The following KCNMA1 variants were observed in gnomAD, a reference collection of about 807,000 sequenced individuals.
KCNMA1 encodes Calcium-activated potassium channel subunit alpha-1.
A neutral mutation model predicts 140.0 loss-of-function variants in KCNMA1; 29 were observed. The observed-to-expected ratio is 0.21, with a 90% CI of 0.15 to 0.28. KCNMA1 has a LOEUF of 0.28. Among genes scored for constraint, KCNMA1 ranks in the 10% least tolerant of loss-of-function variants. The pLI, the probability that KCNMA1 is intolerant of heterozygous loss-of-function variation, is 1.00. For missense variants in KCNMA1, 880 were observed against 1,602.2 expected (o/e 0.55, Z 7.70); for synonymous variants, 612 against 611.9 (o/e 1.00, Z 0.00).
intron 15 of KCNMA1, among the ~76,000 whole-genome samples, chr10:77,032,598 C>A (rs2153548648): frequency 6.6e-6 from 1 of 152,076 alleles, no homozygotes; most frequent in South Asian, 2.1e-4. Context: ...AAAAAAAATG[C>A]CACTTGTCAC....
At chr10:77,274,662 A>G (rs573712553) in intron 2 of KCNMA1, among the ~76,000 whole-genome samples, 1 of 152,224 alleles carries the variant, frequency 6.6e-6, no homozygotes, top group South Asian at 2.1e-4. Flanking sequence ...ACACAAACAC[A>G]TTGGATGCCA....
intron 2 of KCNMA1, among the ~76,000 whole-genome samples, chr10:77,311,609 A>G (rs988997035): frequency 2.0e-5 from 3 of 152,210 alleles, no homozygotes; most frequent in African/African-American, 7.2e-5. Flanking sequence ...TAAATAAAAA[A>G]GATCAAGAGA....
chr10:77,211,423 C>G (rs1055745014), intron 3 of KCNMA1, among the ~76,000 whole-genome samples: 2 of 152,090 alleles, frequency 1.3e-5, no homozygotes, highest in Admixed American at 1.3e-4. Flanking sequence ...TGAAACTGGA[C>G]TCTTACCTTT....
chr10:77,000,900 A>ATATC (rs1412998914), intron 19 of KCNMA1, among the ~76,000 whole-genome samples: 5 of 128,780 alleles, frequency 3.9e-5, no homozygotes, highest in African/African-American at 1.5e-4. Flanking sequence ...ATATATATAT[A>ATATC]TCCATCTGCA....
intron 1 of KCNMA1, among the ~76,000 whole-genome samples, chr10:77,550,390 G>A (rs928490937): frequency 6.6e-6 from 1 of 152,268 alleles, no homozygotes; most frequent in East Asian, 1.9e-4. Flanking sequence ...TCTTTCTGCC[G>A]CTGGAAGCAA....
rs76991527 is a variant in KCNMA1, at chr10:76,947,969, T to G, written c.2709+1173A>C. Among the ~76,000 whole-genome samples, 1,455 of 149,256 alleles carry G rather than the reference T, an allele frequency of 9.7e-3. 33 individuals are homozygous for G. Among genetic ancestry groups the G allele is most frequent in the African/African-American group, 0.033 (1,343 of 40,298 alleles). On this transcript the variant is annotated intron_variant, in intron 22 of 27. Coordinates refer to ENST00000286628, the MANE Select transcript of KCNMA1 (RefSeq NM_001161352.2). ...GGGGGAAAACCCAGACTTCTTAACATGTAGAGAAATCCATGTTCCTCAGTT... is the reference window on the plus strand; with the variant it reads ...GGGGGAAAACCCAGACTTCTTAACAGGTAGAGAAATCCATGTTCCTCAGTT...
intron 24 of KCNMA1, 57 bp downstream of exon 24, chr10:76,914,879 C>T: frequency 8.1e-7 from 1 of 1,240,668 alleles, no homozygotes; most frequent in Non-Finnish European, 1.2e-6. Context: ...TCCTCATATC[C>T]TGTATGGTTT....
chr10:77,634,469 CA>C, intron 1 of KCNMA1: 2 of 985,396 alleles, frequency 2.0e-6, no homozygotes, highest in Non-Finnish European at 2.4e-6. Flanking sequence ...TTCCTTTGAT[CA>C]AAAAGGTTTG....
At chr10:77,407,002 A>G (rs2096491315) in intron 1 of KCNMA1, among the ~76,000 whole-genome samples, 1 of 152,138 alleles carries the variant, frequency 6.6e-6, no homozygotes, top group South Asian at 2.1e-4. Flanking sequence ...AATTCATAGC[A>G]CAAGAGGTAT....
chr10:76,976,655 A>G lies in KCNMA1; in HGVS notation c.2267-6588T>C, dbSNP rs539420764. On this transcript the variant is annotated intron_variant, in intron 19 of 27. Transcript: ENST00000286628. ...TGTACCAAAGCCCCCCATATCTAGA[A>G]TCGCAGCTCATATATCTTCGCTGTA... Among the ~76,000 whole-genome samples, 21 of 152,202 alleles carry G rather than the reference A, an allele frequency of 1.4e-4. 1 individual carries two copies. Among genetic ancestry groups the G allele is most frequent in the Admixed American group, 5.9e-4 (9 of 15,284 alleles).
chr10:76,904,214 G>C lies in KCNMA1; in HGVS notation c.3147+5752C>G, dbSNP rs571048955. The stretch of plus-strand genomic sequence containing the variant: ...ATGTGCAAGGGCTGCCGGTGAGCCA[G>C]GACCAGAAGCTACAAGTCCTAATTC... On this transcript the variant is annotated intron_variant, in intron 25 of 27. Transcript: ENST00000286628. The C allele has an allele frequency of 2.6e-5, 4 of 152,338 alleles. No homozygotes were observed. The South Asian group carries it at 8.3e-4, about 32-fold the overall frequency. 9.4% of individuals were successfully genotyped at this position (152,338 alleles called of 1,614,324 possible).
At chr10:77,387,103 T>G (rs939347938) in intron 2 of KCNMA1, among the ~76,000 whole-genome samples, 1 of 152,090 alleles carries the variant, frequency 6.6e-6, no homozygotes, top group Non-Finnish European at 1.5e-5. Flanking sequence ...CAAAGAGAAT[T>G]TTGAGAGTGG....
chr10:77,606,040 A>G (rs1011811614), intron 1 of KCNMA1, among the ~76,000 whole-genome samples: 70 of 152,158 alleles, frequency 4.6e-4, no homozygotes, highest in African/African-American at 1.7e-3. Flanking sequence ...CCCACACACT[A>G]CCATCTTCCC....
chr10:77,430,825 G>A (rs1225356843), intron 1 of KCNMA1, among the ~76,000 whole-genome samples: 1 of 152,210 alleles, frequency 6.6e-6, no homozygotes, highest in African/African-American at 2.4e-5. Context: ...ATTGTGGCGA[G>A]CACAGAGTGG....
chr10:77,260,319 G>C (rs947265729), intron 2 of KCNMA1, among the ~76,000 whole-genome samples: 1 of 152,214 alleles, frequency 6.6e-6, no homozygotes, highest in Admixed American at 6.5e-5. Flanking sequence ...GAAGGACAGA[G>C]AGAGGAAGGA....
intron 17 of KCNMA1, among the ~76,000 whole-genome samples, chr10:77,018,662 T>C (rs561532666): frequency 1.3e-5 from 2 of 152,276 alleles, no homozygotes; most frequent in Admixed American, 1.3e-4. Context: ...ATTTCCCAGA[T>C]AATATTAAGT....
chr10:77,440,475 G>T (rs1309083228), intron 1 of KCNMA1, among the ~76,000 whole-genome samples: 3 of 152,184 alleles, frequency 2.0e-5, no homozygotes, highest in Non-Finnish European at 4.4e-5. Context: ...TGCTAGAGAA[G>T]CCCAAGACCC....
chr10:77,269,665 G>T (rs2064433346), intron 2 of KCNMA1, among the ~76,000 whole-genome samples: 1 of 152,106 alleles, frequency 6.6e-6, no homozygotes, highest in Non-Finnish European at 1.5e-5. Flanking sequence ...CCAATGGGTG[G>T]GATCTTAATG....
At chr10:77,515,151 T>C (rs887099301) in intron 1 of KCNMA1, among the ~76,000 whole-genome samples, 1 of 152,156 alleles carries the variant, frequency 6.6e-6, no homozygotes, top group Admixed American at 6.5e-5. Context: ...TCCAAGGTCA[T>C]GTGTCTACAG....
Sources: allele counts gnomAD v4.1 joint callset (sites outside exome capture counted in the v4.1 genomes callset), GRCh38; gene constraint gnomAD v4.1.1; transcripts MANE v1.5; gene names NCBI Gene and HGNC (gene_info 2026-07-23, HGNC 2026-07-21).